Variants in UBE2E3 observed in about 807,000 individuals in gnomAD.
UBE2E3 encodes the protein ubiquitin conjugating enzyme E2 E3.
In UBE2E3, 5 loss-of-function variants were observed where a neutral mutation model predicts 23.6. The observed-to-expected ratio is 0.21, with a 90% CI of 0.11 to 0.44. The LOEUF is 0.44. UBE2E3 is among the 20% of genes least tolerant of loss of function. The probability of loss-of-function intolerance (pLI) is 0.99; values close to 1 mark genes in which losing one functional copy is unlikely to be tolerated. For synonymous variants in UBE2E3, 78 were observed against 87.5 expected, an observed-to-expected ratio of 0.89 and a Z score of 0.60; for missense variants, 81 against 249.8, an observed-to-expected ratio of 0.32 and a Z score of 4.55.
intron 2 of UBE2E3, 25 bp downstream of exon 2, chr2:180,982,261 C>G: frequency 6.3e-7 from 1 of 1,593,828 alleles, no homozygotes; most frequent in Non-Finnish European, 8.6e-7. Context: ...AAGGATCCAG[C>G]ACACTTTGTC....
chr2:181,058,849 C>T (rs978383198), intron 4 of UBE2E3, among the ~76,000 whole-genome samples: 1 of 151,686 alleles, frequency 6.6e-6, no homozygotes, highest in African/African-American at 2.4e-5. Context: ...ACCGCAGACA[C>T]CATTTACTCT....
At position 181,032,627 on chromosome 2, in the gene UBE2E3, T is replaced by A. The variant is rs185396080; in HGVS notation, c.246-25066T>A. Among the ~76,000 whole-genome samples, 699 of 152,342 alleles carry A rather than the reference T, an allele frequency of 4.6e-3. 7 individuals carry two copies. The highest frequency in any genetic ancestry group is 0.016 in the African/African-American group (646 of 41,574). Reference sequence around the variant, plus strand: ...ATTTTTTAACTTGATATTTATTTTCTTCTAAGAAAAATTTACCATCTCTTT... The same window carrying A: ...ATTTTTTAACTTGATATTTATTTTCATCTAAGAAAAATTTACCATCTCTTT... On this transcript the variant is annotated intron_variant, in intron 3 of 5. Coordinates refer to ENST00000410062, the MANE Select transcript of UBE2E3 (RefSeq NM_006357.4).
chr2:181,062,757 A>C (rs1687197007), intron 5 of UBE2E3, 34 bp from the exon 6 acceptor site: 1 of 1,391,892 alleles, frequency 7.2e-7, no homozygotes, highest in African/African-American at 1.4e-5. Context: ...AAGATACCAC[A>C]AAATAGCTTT....
At chr2:181,058,379 T>G (rs1687043034) in intron 4 of UBE2E3, among the ~76,000 whole-genome samples, 1 of 151,768 alleles carries the variant, frequency 6.6e-6, no homozygotes, top group Admixed American at 6.6e-5. Flanking sequence ...TCTGAGTTCA[T>G]TTGAAGTATG....
At chr2:181,047,925 C>T (rs766734593) in intron 3 of UBE2E3, among the ~76,000 whole-genome samples, 2 of 151,634 alleles carry the variant, frequency 1.3e-5, no homozygotes, top group African/African-American at 4.8e-5. Context: ...CCTGCCTAGA[C>T]GTTTGTTACA....
intron 3 of UBE2E3, among the ~76,000 whole-genome samples, chr2:181,053,132 T>C (rs1483790563): frequency 1.3e-5 from 2 of 151,820 alleles, no homozygotes; most frequent in African/African-American, 2.4e-5. Context: ...AAAGATATGT[T>C]TGAAAGAGTA....
At chr2:181,035,300 A>G (rs1686233026) in intron 3 of UBE2E3, among the ~76,000 whole-genome samples, 1 of 152,178 alleles carries the variant, frequency 6.6e-6, no homozygotes, top group African/African-American at 2.4e-5. Flanking sequence ...TATTCTTTCA[A>G]GGGTTGCAGT....
intron 3 of UBE2E3, among the ~76,000 whole-genome samples, chr2:180,985,079 A>C (rs1475437446): frequency 6.6e-6 from 1 of 152,136 alleles, no homozygotes; most frequent in Non-Finnish European, 1.5e-5. Context: ...CTTGTGATAT[A>C]ATAGGGTATA....
At chr2:181,049,385 C>G (rs975408212) in intron 3 of UBE2E3, among the ~76,000 whole-genome samples, 2 of 151,920 alleles carry the variant, frequency 1.3e-5, no homozygotes, top group Admixed American at 1.3e-4. Context: ...ACTGACTGGA[C>G]TTGGATGTGT....
At chr2:180,981,002 G>A (rs1007868136) in intron 1 of UBE2E3, 29 bp downstream of exon 1, 2 of 146,692 alleles carry the variant, frequency 1.4e-5, no homozygotes, top group Non-Finnish European at 3.0e-5. Flanking sequence ...GGGGCCGCGT[G>A]GGGGGCGGCC....
At chr2:181,001,102 AC>A (rs2105591857) in intron 3 of UBE2E3, among the ~76,000 whole-genome samples, 1 of 152,342 alleles carries the variant, frequency 6.6e-6, no homozygotes, top group East Asian at 1.9e-4. Context: ...AATTTGCATT[AC>A]TTGGACTCTT....
chr2:180,989,538 G>T (rs1419551439), intron 3 of UBE2E3, among the ~76,000 whole-genome samples: 1 of 152,044 alleles, frequency 6.6e-6, no homozygotes, highest in Non-Finnish European at 1.5e-5. Context: ...CTTATAAGAG[G>T]AAATTGATAC....
intron 3 of UBE2E3, among the ~76,000 whole-genome samples, chr2:181,038,008 A>T (rs769632359): frequency 3.3e-5 from 5 of 152,160 alleles, no homozygotes; most frequent in Admixed American, 6.5e-5. Context: ...AAGTTAATTT[A>T]TTATTGTGGA....
intron 3 of UBE2E3, chr2:180,989,816 A>G: frequency 1.4e-6 from 2 of 1,476,460 alleles, no homozygotes; most frequent in Non-Finnish European, 1.8e-6. Context: ...TCTCATAACC[A>G]ATTAGTACTT....
chr2:181,036,850 A>T (rs1686304820), intron 3 of UBE2E3, among the ~76,000 whole-genome samples: 1 of 152,222 alleles, frequency 6.6e-6, no homozygotes, highest in Non-Finnish European at 1.5e-5. Context: ...CAGAAATATG[A>T]CATAGGAACT....
chr2:180,983,352 T>C (rs958627502), intron 2 of UBE2E3, among the ~76,000 whole-genome samples: 2 of 152,228 alleles, frequency 1.3e-5, no homozygotes, highest in African/African-American at 2.4e-5. Flanking sequence ...GCGGAACATA[T>C]TAGACACATC....
intron 3 of UBE2E3, among the ~76,000 whole-genome samples, chr2:181,014,808 T>C (rs984133724): frequency 2.6e-5 from 4 of 152,180 alleles, no homozygotes; most frequent in Non-Finnish European, 5.9e-5. Flanking sequence ...ATGGGGATAA[T>C]TGGGATATCC....
At chr2:181,000,498 A>T (rs1371984526) in intron 3 of UBE2E3, among the ~76,000 whole-genome samples, 1 of 152,152 alleles carries the variant, frequency 6.6e-6, no homozygotes, top group Non-Finnish European at 1.5e-5. Flanking sequence ...AGTATAGTAT[A>T]AATGGTATCC....
intron 3 of UBE2E3, among the ~76,000 whole-genome samples, chr2:181,026,878 T>C (rs1248352285): frequency 1.3e-5 from 2 of 151,954 alleles, no homozygotes; most frequent in Non-Finnish European, 1.5e-5. Context: ...GATCATATAA[T>C]ATTTTGTGTA....
Sources: allele counts gnomAD v4.1 joint callset (sites outside exome capture counted in the v4.1 genomes callset), GRCh38; gene constraint gnomAD v4.1.1; transcripts MANE v1.5; gene names NCBI Gene and HGNC (gene_info 2026-07-23, HGNC 2026-07-21).